Variants in SDR9C7 observed in about 807,000 individuals in gnomAD.
SDR9C7 encodes the protein short-chain dehydrogenase/reductase family 9C member 7.
In SDR9C7, 11 loss-of-function variants were observed where a neutral mutation model predicts 23.6. That is an observed-to-expected ratio of 0.47 (90% CI 0.29 to 0.77). The LOEUF is 0.77. Ranked by LOEUF, SDR9C7 falls within the 30% of genes least tolerant of loss-of-function variation. The pLI is 0.09. For missense variants in SDR9C7, 387 were observed against 407.1 expected, an observed-to-expected ratio of 0.95 and a Z score of 0.42; for synonymous variants, 167 against 157.3, an observed-to-expected ratio of 1.06 and a Z score of -0.46.
chr12:56,934,109 C>G lies in SDR9C7; in HGVS notation c.153G>C (p.Gln51His). The G allele has an allele frequency of 6.2e-7, 1 of 1,614,254 alleles. No homozygotes were observed. Among genetic ancestry groups the G allele is most frequent in the Non-Finnish European group, 8.5e-7 (1 of 1,180,052 alleles). ...CCTCAGTGAAGCAAGCAGCCAGCACCTGCATGCCCCGATCAACCAGCTGTT... is the reference window on the plus strand; with the variant it reads ...CCTCAGTGAAGCAAGCAGCCAGCACGTGCATGCCCCGATCAACCAGCTGTT... ...LAKQLVDRGM[Q>H]VLAACFTEEG... The change falls in exon 1 of 4, where the codon CAG becomes CAC. Residue 51 changes from glutamine to histidine, a missense_variant. By Grantham distance (24) the Gln-to-His change is conservative. Coordinates refer to ENST00000293502, the MANE Select transcript of SDR9C7 (RefSeq NM_148897.3).
At chr12:56,925,651 C>T (rs1473364466) in intron 3 of SDR9C7, among the ~76,000 whole-genome samples, 1 of 152,174 alleles carries the variant, frequency 6.6e-6, no homozygotes, top group East Asian at 1.9e-4. Flanking sequence ...AAGAGCCACA[C>T]TAACTCAAAG....
At chr12:56,933,558 C>T (rs1955780109) in intron 1 of SDR9C7, among the ~76,000 whole-genome samples, 1 of 152,172 alleles carries the variant, frequency 6.6e-6, no homozygotes, top group Non-Finnish European at 1.5e-5. Context: ...TGGGGTTTCA[C>T]CATGTTGGCC....
rs1456116952 is a variant in SDR9C7, at chr12:56,934,283, C to T, written c.-22G>A. ...CCATAGGGCAAGGGGAATGTGATGG[C>T]CAAGAGGGACTGGGCTCAGGAGACA... On this transcript the variant is annotated 5_prime_UTR_variant, in exon 1 of 4. Transcript: ENST00000293502. 5.0e-6 allele frequency: 8 copies of T among 1,597,016 alleles called. No individual in the cohort carries two copies. Among genetic ancestry groups the T allele is most frequent in the Non-Finnish European group, 6.8e-6 (8 of 1,169,964 alleles).
intron 3 of SDR9C7, among the ~76,000 whole-genome samples, chr12:56,925,288 C>T (rs1036764591): frequency 1.3e-5 from 2 of 152,160 alleles, no homozygotes; most frequent in Admixed American, 1.3e-4. Context: ...AGAAGGGCCA[C>T]ACCACACACC....
chr12:56,934,080 C>T lies in SDR9C7; in HGVS notation c.182G>A (p.Gly61Glu), dbSNP rs147708476. 2 of 1,614,084 alleles carry T rather than the reference C, an allele frequency of 1.2e-6. No individual in the cohort carries two copies. Among genetic ancestry groups the T allele is most frequent in the Non-Finnish European group, 1.7e-6 (2 of 1,180,044 alleles). Residue 61 changes from glycine (G) to glutamate (E), a missense_variant, in exon 1 of 4, where the codon GGA (glycine) becomes GAA (glutamate). By Grantham distance (98) the Gly-to-Glu change is moderately conservative. Transcript: ENST00000293502. ...GGTATCCCGCTGAAGTTTCTGGGAT[C>T]CCTCCTCAGTGAAGCAAGCAGCCAG... ...QVLAACFTEE[G>E]SQKLQRDTSY...
Position 56,923,864 on chromosome 12 carries a change from C to T in SDR9C7, c.911G>A (p.Arg304Gln), listed in dbSNP as rs537510334. The change falls in exon 4 of 4, where the codon CGG (arginine) becomes CAG (glutamine). Residue 304 changes from arginine to glutamine, a missense_variant. By Grantham distance (43) the Arg-to-Gln change is conservative (BLOSUM62 1). Coordinates refer to ENST00000293502, the MANE Select transcript of SDR9C7 (RefSeq NM_148897.3). ...PTPVTDFILS[R>Q]YLPRPADSV ...ACTGTCCGCTGGCCTTGGAAGGTAC[C>T]GGCTTAGGATGAAATCTGTCACAGG... is the stretch of plus-strand genomic sequence containing the variant. 1.4e-5 allele frequency: 23 copies of T among 1,612,848 alleles called. No individual in the cohort carries two copies. The highest frequency in any genetic ancestry group is 4.0e-5 in the African/African-American group (3 of 74,996).
intron 3 of SDR9C7, among the ~76,000 whole-genome samples, chr12:56,926,770 G>A (rs917280029): frequency 1.3e-5 from 2 of 152,126 alleles, no homozygotes; most frequent in African/African-American, 2.4e-5. Flanking sequence ...TCACTAAAAC[G>A]TTGCTCACAC....
At chr12:56,926,946 G>C (rs1955737880) in intron 3 of SDR9C7, among the ~76,000 whole-genome samples, 1 of 152,218 alleles carries the variant, frequency 6.6e-6, no homozygotes, top group South Asian at 2.1e-4. Flanking sequence ...ATTATAGCAA[G>C]ATTCTTCATG....
chr12:56,927,824 C>A (rs986972024), intron 3 of SDR9C7, among the ~76,000 whole-genome samples: 1 of 152,216 alleles, frequency 6.6e-6, no homozygotes, highest in Non-Finnish European at 1.5e-5. Context: ...GGAACCAGGT[C>A]CTAGCAACAT....
At chr12:56,929,002 T>C (rs191516133) in intron 3 of SDR9C7, among the ~76,000 whole-genome samples, 41 of 152,272 alleles carry the variant, frequency 2.7e-4, no homozygotes, top group African/African-American at 8.9e-4. Flanking sequence ...AACTGAGGCA[T>C]GGGAAAACTA....
rs1470270286 is a variant in SDR9C7 at position 56,930,487 on chromosome 12, G to A, written c.302-3C>T. 6.2e-7 allele frequency: 1 copy of A among 1,613,510 alleles called. No homozygotes were observed. On this transcript the variant is annotated splice_region_variant and splice_polypyrimidine_tract_variant and intron_variant, in intron 1 of 3. Transcript: ENST00000293502. ...ATTGTTCACCAGGGCCCAGAGGCCTGGGGGTGAGATGAACCACACAGAAAT... is the reference window on the plus strand; with the variant it reads ...ATTGTTCACCAGGGCCCAGAGGCCTAGGGGTGAGATGAACCACACAGAAAT...
intron 3 of SDR9C7, among the ~76,000 whole-genome samples, chr12:56,928,400 C>T (rs1955748005): frequency 6.6e-6 from 1 of 152,186 alleles, no homozygotes; most frequent in South Asian, 2.1e-4. Flanking sequence ...ATTGGGACCG[C>T]AACTTCCTGC....
chr12:56,934,117 C>T lies in SDR9C7; in HGVS notation c.145G>A (p.Gly49Ser), dbSNP rs766751529. 1 of 1,614,194 alleles carries T rather than the reference C, an allele frequency of 6.2e-7. No individual in the cohort carries two copies. Among genetic ancestry groups the T allele is most frequent in the Admixed American group, 1.7e-5 (1 of 60,022 alleles). The change falls in exon 1 of 4, where the codon GGC becomes AGC. Residue 49 changes from glycine (G) to serine (S), a missense_variant. Physicochemically the swap from Gly to Ser is moderately conservative, Grantham distance 56. Coordinates refer to ENST00000293502, the MANE Select transcript of SDR9C7 (RefSeq NM_148897.3). ...AAGCAAGCAGCCAGCACCTGCATGC[C>T]CCGATCAACCAGCTGTTTGGCCAGC... ...NLLAKQLVDR[G>S]MQVLAACFTE...
At chr12:56,925,589 G>A (rs933831479) in intron 3 of SDR9C7, among the ~76,000 whole-genome samples, 1 of 152,050 alleles carries the variant, frequency 6.6e-6, no homozygotes, top group African/African-American at 2.4e-5. Context: ...TCTGTTTCCT[G>A]GAAAGAAAAC....
chr12:56,931,460 T>C (rs1439946782), intron 1 of SDR9C7, among the ~76,000 whole-genome samples: 2 of 152,020 alleles, frequency 1.3e-5, no homozygotes, highest in Non-Finnish European at 2.9e-5. Flanking sequence ...TCAATTAGGT[T>C]GGTACAAATG....
In SDR9C7 at chr12:56,934,081, C is replaced by T. The variant is rs768766586; in HGVS notation, c.181G>A (p.Gly61Arg). ...GTATCCCGCTGAAGTTTCTGGGATCCCTCCTCAGTGAAGCAAGCAGCCAGC... is the reference window on the plus strand; with the variant it reads ...GTATCCCGCTGAAGTTTCTGGGATCTCTCCTCAGTGAAGCAAGCAGCCAGC... ...QVLAACFTEE[G>R]SQKLQRDTSY... Residue 61 changes from glycine to arginine, a missense_variant, in exon 1 of 4, where the codon GGA becomes AGA. Gly to Arg is a moderately radical substitution (Grantham distance 125, BLOSUM62 -2). Coordinates refer to ENST00000293502, the MANE Select transcript of SDR9C7 (RefSeq NM_148897.3). 1.2e-6 allele frequency: 2 copies of T among 1,614,186 alleles called. No individual in the cohort carries two copies. Among genetic ancestry groups the T allele is most frequent in the South Asian group, 1.1e-5 (1 of 91,088 alleles).
rs763970074 is a variant in SDR9C7 at position 56,929,595 on chromosome 12, C to T, written c.561-42G>A. On this transcript the variant is annotated intron_variant, in intron 2 of 3. Coordinates refer to ENST00000293502, the MANE Select transcript of SDR9C7 (RefSeq NM_148897.3). ...GCAGTCAGTCTGGGCCCCAAGATGA[C>T]AATCATCACGGAGAGTCACCTCTGG... 9.5e-6 allele frequency: 15 copies of T among 1,584,802 alleles called. No homozygotes were observed. The Admixed American group carries it at 2.5e-4, about 27-fold the overall frequency.
intron 2 of SDR9C7, 58 bp downstream of exon 2, chr12:56,930,168 A>C: frequency 1.3e-6 from 2 of 1,589,070 alleles, no homozygotes; most frequent in Admixed American, 1.7e-5. Flanking sequence ...GTCACTCCCA[A>C]CCCTCTCTAA....
chr12:56,926,971 C>G (rs189985040), intron 3 of SDR9C7, among the ~76,000 whole-genome samples: 2 of 152,334 alleles, frequency 1.3e-5, no homozygotes, highest in African/African-American at 4.8e-5. Context: ...GGTGTATTTG[C>G]TTTCACATCT....
Sources: gnomAD v4.1 joint callset for allele counts (sites outside exome capture counted in the v4.1 genomes callset) on GRCh38, gnomAD v4.1.1 for gene constraint, MANE v1.5 for transcripts, NCBI Gene and HGNC (gene_info 2026-07-23, HGNC 2026-07-21) for gene names.